The following CELF2 variants were observed in gnomAD, a reference collection of about 807,000 sequenced individuals.
The protein encoded by CELF2 is CUG triplet repeat RNA-binding protein 2.
Under a neutral mutation model 62.6 loss-of-function variants are expected in CELF2, and 8 were observed. That is an observed-to-expected ratio of 0.13 (90% CI 0.07 to 0.23). The LOEUF is 0.23. Among genes scored for constraint, CELF2 ranks in the 10% least tolerant of loss-of-function variants. The pLI is 1.00. For missense variants in CELF2, 333 were observed against 671.0 expected (o/e 0.50, Z 5.56); for synonymous variants, 258 against 250.0 (o/e 1.03, Z -0.30).
At position 11,267,288 on chromosome 10, in the gene CELF2, G is replaced by A. The variant is rs2082416826; in HGVS notation, c.618+611G>A. On this transcript the variant is annotated intron_variant, in intron 6 of 12. Transcript: ENST00000633077. This position sits in a 1 kb window ranked among gnomAD's most constrained non-coding sequence, Gnocchi z 4.4. ...AAAGAAACATAATAAAGGCTCAAAT[G>A]TGGTCTCCTAATGAGAGATCATGGC... Among the ~76,000 whole-genome samples the A allele has an allele frequency of 6.6e-6, 1 of 152,214 alleles. No individual in the cohort carries two copies. Among genetic ancestry groups the A allele is most frequent in the South Asian group, 2.1e-4 (1 of 4,836 alleles).
chr10:11,038,585 TTAA>T (rs1177090147), intron 1 of CELF2, among the ~76,000 whole-genome samples: 1 of 151,994 alleles, frequency 6.6e-6, no homozygotes, highest in Non-Finnish European at 1.5e-5. Flanking sequence ...AGGATTTCTA[TTAA>T]TAATCAACTA....
At chr10:10,786,340 T>C in the CELF2 span, among the ~76,000 whole-genome samples, 1 of 152,170 alleles carries the variant, frequency 6.6e-6, no homozygotes, top group Admixed American at 6.5e-5. Flanking sequence ...ACTATACCTA[T>C]AGATTTCTGG....
chr10:10,583,929 T>C, the CELF2 span, among the ~76,000 whole-genome samples: 3 of 152,132 alleles, frequency 2.0e-5, no homozygotes, highest in Non-Finnish European at 4.4e-5. Flanking sequence ...CCAAGAGCAC[T>C]AGGTTGGAAA....
the CELF2 span, among the ~76,000 whole-genome samples, chr10:10,466,695 T>C: frequency 6.6e-6 from 1 of 152,136 alleles, no homozygotes; most frequent in Non-Finnish European, 1.5e-5. Flanking sequence ...AGTTGCTGGG[T>C]ATCTTTGCCA....
intron 1 of CELF2, among the ~76,000 whole-genome samples, chr10:10,875,506 G>A (rs1005400881): frequency 6.6e-6 from 1 of 152,100 alleles, no homozygotes; most frequent in African/African-American, 2.4e-5. Flanking sequence ...CTCTCCCTAG[G>A]AAAGTGATGC....
At chr10:10,543,120 G>A in the CELF2 span, among the ~76,000 whole-genome samples, 2 of 152,160 alleles carry the variant, frequency 1.3e-5, no homozygotes, top group Non-Finnish European at 2.9e-5. Flanking sequence ...CTAGCAAACA[G>A]ATGTCTGTTG....
chr10:10,871,979 C>T lies in CELF2; in HGVS notation c.54-47985C>T, dbSNP rs372205429. Among the ~76,000 whole-genome samples the T allele has an allele frequency of 4.9e-3, 746 of 152,206 alleles. 4 individuals carry two copies. The highest frequency in any genetic ancestry group is 0.024 in the Middle Eastern group (7 of 294). ...TCCGTTGCCTATTTGACAAAAATTT[C>T]TATTTTGCATTTCAAAGAAGCTTAT... On this transcript the variant is annotated intron_variant, in intron 1 of 13. Transcript: ENST00000636488.
chr10:10,671,769 G>A, the CELF2 span, among the ~76,000 whole-genome samples: 1 of 149,608 alleles, frequency 6.7e-6, no homozygotes, highest in East Asian at 2.0e-4. Context: ...TTGCTCTATT[G>A]CCCAGGCTGG....
At chr10:11,125,458 G>A (rs1295775629) in intron 1 of CELF2, among the ~76,000 whole-genome samples, 1 of 144,834 alleles carries the variant, frequency 6.9e-6, no homozygotes, top group African/African-American at 2.6e-5. Context: ...AAAAAAATGA[G>A]AGTTTCACAC....
At chr10:10,712,676 C>T in the CELF2 span, among the ~76,000 whole-genome samples, 24 of 152,204 alleles carry the variant, frequency 1.6e-4, no homozygotes, top group Admixed American at 2.0e-4. Flanking sequence ...AAACTTAACA[C>T]GGCCAAAGTA....
intron 3 of CELF2, among the ~76,000 whole-genome samples, chr10:11,231,835 A>G (rs1462749259): frequency 6.6e-6 from 1 of 151,610 alleles, no homozygotes; most frequent in African/African-American, 2.4e-5. Flanking sequence ...TCTTCTCTCC[A>G]TTTTACCTGC....
chr10:10,501,961 C>T, the CELF2 span, among the ~76,000 whole-genome samples: 3 of 152,044 alleles, frequency 2.0e-5, no homozygotes, highest in Non-Finnish European at 4.4e-5. Context: ...GTTTCTTTTT[C>T]AAGAATTTCT....
At chr10:11,096,748 G>T (rs117045181) in intron 1 of CELF2, among the ~76,000 whole-genome samples, 3 of 152,280 alleles carry the variant, frequency 2.0e-5, no homozygotes, top group Non-Finnish European at 4.4e-5. Flanking sequence ...AACTTAGGAA[G>T]CAACAAGTCA....
At chr10:10,833,659 C>T (rs117987345) in intron 1 of CELF2, among the ~76,000 whole-genome samples, 2,120 of 152,176 alleles carry the variant, frequency 0.014, 27 homozygotes, top group Middle Eastern at 0.024. Flanking sequence ...TGAACACGAA[C>T]AGTCACTTTT....
intron 1 of CELF2, among the ~76,000 whole-genome samples, chr10:11,144,588 T>TAAAAA (rs570609919): frequency 4.2e-5 from 6 of 141,188 alleles, no homozygotes; most frequent in African/African-American, 1.6e-4. Flanking sequence ...CTGTATTATT[T>TAAAAA]AAAAAAAAAA....
At chr10:10,494,863 A>G in the CELF2 span, among the ~76,000 whole-genome samples, 1 of 152,210 alleles carries the variant, frequency 6.6e-6, no homozygotes, top group Non-Finnish European at 1.5e-5. Context: ...AAGCTAAATG[A>G]CAGTAGAGAA....
chr10:10,829,737 G>A (rs2057691284), intron 1 of CELF2, among the ~76,000 whole-genome samples: 2 of 152,152 alleles, frequency 1.3e-5, no homozygotes, highest in Admixed American at 1.3e-4. Context: ...CATCCCCAGA[G>A]ATAAGAAGCA....
Position 11,139,572 on chromosome 10 carries a change from A to G in CELF2, c.75-25914A>G, listed in dbSNP as rs548350496. 3.3e-5 allele frequency among the ~76,000 whole-genome samples: 5 copies of G among 152,326 alleles called. No homozygotes were observed. In the East Asian group the frequency reaches 9.6e-4, roughly 29 times the overall value. On this transcript the variant is annotated intron_variant, in intron 1 of 12. Transcript: ENST00000633077. ...TTTTGGGGATGAAACTTCCATATAG[A>G]TTATGTGATTTTTATGTAAAAATGT...
chr10:10,878,401 T>C (rs561849101), intron 1 of CELF2, among the ~76,000 whole-genome samples: 1 of 152,328 alleles, frequency 6.6e-6, no homozygotes, highest in South Asian at 2.1e-4. Flanking sequence ...ACAAGACACT[T>C]GCTTTGTGTG....
Sources: gnomAD v4.1 joint callset for allele counts (sites outside exome capture counted in the v4.1 genomes callset) on GRCh38, gnomAD v4.1.1 for gene constraint, Gnocchi (gnomAD v3.1) non-coding constraint, MANE v1.5 for transcripts, NCBI Gene and HGNC (gene_info 2026-07-23, HGNC 2026-07-21) for gene names.